FCAMR: variants seen among roughly 807,000 people sequenced by gnomAD.
FCAMR encodes the protein Fc alpha and mu receptor, also known as high affinity immunoglobulin alpha and immunoglobulin mu Fc receptor.
A neutral mutation model predicts 52.2 loss-of-function variants in FCAMR; 51 were observed. That is an observed-to-expected ratio of 0.98 (90% confidence interval 0.78 to 1.23). The LOEUF (loss-of-function observed/expected upper bound fraction) is 1.23. Among genes scored for constraint, FCAMR ranks in the 50% most tolerant of loss-of-function variants. FCAMR has a pLI of 0.00. For synonymous variants in FCAMR, 282 were observed against 262.0 expected (o/e 1.08, Z -0.74); for missense variants, 719 against 712.6 (o/e 1.01, Z -0.10).
At position 206,967,619 on chromosome 1, in the gene FCAMR, G is replaced by A. The variant is rs1453941145; in HGVS notation, c.72C>T (p.Tyr24=). The change falls in exon 2 of 8, where the codon TAC becomes TAT. Residue 24 remains tyrosine, a synonymous_variant. Transcript: ENST00000324852. ...GTAAAGTGCCAGCAATGAGCCTGGA[G>A]TAGTCCACTTCTCTTCCTCTCCTCA... ...EVVRRGREVD[Y]SRLIAGTLPQ... The A allele has an allele frequency of 6.2e-7, 1 of 1,614,112 alleles. No individual in the cohort carries two copies. The highest frequency in any genetic ancestry group is 1.3e-5 in the African/African-American group (1 of 74,956).
chr1:206,961,035 T>A lies in FCAMR; in HGVS notation c.841A>T (p.Arg281Ter). 1 of 1,551,896 alleles carries A rather than the reference T, an allele frequency of 6.4e-7. No individual in the cohort carries two copies. The highest frequency in any genetic ancestry group is 8.7e-7 in the Non-Finnish European group (1 of 1,147,026). ...GGCCTGGTTGCTCCTGGGGTTCGTCTTCCCTCAGCTGAAGCTGTAGTCTTG... is the reference window on the plus strand; with the variant it reads ...GGCCTGGTTGCTCCTGGGGTTCGTCATCCCTCAGCTGAAGCTGTAGTCTTG... Reference protein sequence around the residue: ...TSKTTASAEGRRTPGATRPAA... With the variant: ...TSKTTASAEG The change falls in exon 6 of 8, where the codon AGA becomes TGA. Residue 281 changes from arginine (R) to a stop codon, truncating the protein, a stop_gained. Transcript: ENST00000324852. LOFTEE classifies it high-confidence loss of function.
In FCAMR at chr1:206,960,409, T is replaced by C. The variant is rs982987544; in HGVS notation, c.1454+13A>G. 4.1e-6 allele frequency: 6 copies of C among 1,474,378 alleles called. No individual in the cohort carries two copies. The highest frequency in any genetic ancestry group is 2.6e-5 in the Admixed American group (1 of 38,928). The allele number at this position is 1,474,378 out of a possible 1,614,324, so 91.3% of individuals were successfully genotyped here. Reference sequence around the variant, plus strand: ...GTGGGGCCCCCCAACCGGGAGAAGGTGCCTGGGGTTACCGCTTCACGGAGG... The same window carrying C: ...GTGGGGCCCCCCAACCGGGAGAAGGCGCCTGGGGTTACCGCTTCACGGAGG... On this transcript the variant is annotated intron_variant, in intron 6 of 7. Transcript: ENST00000324852.
At chr1:206,967,156 G>C (rs749938693) in intron 2 of FCAMR, 44 bp from the exon 3 acceptor site, 6 of 1,595,184 alleles carry the variant, frequency 3.8e-6, no homozygotes, top group Admixed American at 1.7e-5. Flanking sequence ...AGAGAAGCTG[G>C]GTGAGGGTGG....
chr1:206,960,865 C>T lies in FCAMR; in HGVS notation c.1011G>A (p.Arg337=), dbSNP rs1259130739. 1.3e-6 allele frequency: 2 copies of T among 1,552,254 alleles called. No homozygotes were observed. The highest frequency in any genetic ancestry group is 1.2e-5 in the South Asian group (1 of 84,062). Reference sequence around the variant, plus strand: ...CCCTCCTGTCCTTGCTGGCTCTAGCCCTGTTTGTCACCGAGCTTCTGGTGC... The same window carrying T: ...CCCTCCTGTCCTTGCTGGCTCTAGCTCTGTTTGTCACCGAGCTTCTGGTGC... ...WEGTRSSVTN[R]ARASKDRREM... is the part of the protein sequence containing the mutation. The change falls in exon 6 of 8, where the codon AGG becomes AGA. Residue 337 remains arginine, a synonymous_variant. Coordinates refer to ENST00000324852, the MANE Select transcript of FCAMR (RefSeq NM_001170631.2).
chr1:206,965,740 G>A lies in FCAMR; in HGVS notation c.288C>T (p.Cys96=), dbSNP rs768364177. ...MGTLRPSSPL[C]WREESSFAAP... ...CTGCAAAGGAGCTCTCCTCCCGCCAGCAGAGGGGCGAGGAAGGCCTGAGTG... is the reference window on the plus strand; with the variant it reads ...CTGCAAAGGAGCTCTCCTCCCGCCAACAGAGGGGCGAGGAAGGCCTGAGTG... Residue 96 remains cysteine, a synonymous_variant, in exon 4 of 8, where the codon TGC becomes TGT. Transcript: ENST00000324852. 2.0e-5 allele frequency: 32 copies of A among 1,578,476 alleles called. No homozygotes were observed. Among genetic ancestry groups the A allele is most frequent in the Non-Finnish European group, 2.0e-5 (23 of 1,166,846 alleles).
intron 2 of FCAMR, 144 bp downstream of exon 2, chr1:206,967,438 TG>T: frequency 1.2e-6 from 1 of 854,148 alleles, no homozygotes; most frequent in Non-Finnish European, 1.9e-6. Context: ...TCTGAGTTTG[TG>T]GGGAGCACCG....
intron 7 of FCAMR, 126 bp from the exon 8 acceptor site, chr1:206,958,802 T>A: frequency 7.6e-7 from 1 of 1,313,226 alleles, no homozygotes; most frequent in Non-Finnish European, 1.1e-6. Flanking sequence ...AATGGAGCCC[T>A]AGTTGGCTAG....
At chr1:206,966,221 G>A (rs973974090) in intron 3 of FCAMR, among the ~76,000 whole-genome samples, 5 of 152,164 alleles carry the variant, frequency 3.3e-5, no homozygotes, top group African/African-American at 4.8e-5. Flanking sequence ...AATTTAGAAC[G>A]TTTGAGACTT....
Position 206,959,801 on chromosome 1 carries a change from C to T in FCAMR, c.1455-4G>A. The T allele has an allele frequency of 6.2e-7, 1 of 1,610,330 alleles. No individual in the cohort carries two copies. The highest frequency in any genetic ancestry group is 8.5e-7 in the Non-Finnish European group (1 of 1,176,576). On this transcript the variant is annotated splice_polypyrimidine_tract_variant and splice_region_variant and intron_variant, in intron 6 of 7. Coordinates refer to ENST00000324852, the MANE Select transcript of FCAMR (RefSeq NM_001170631.2). ...GCTTTCATCTTCTGGAAAAGTACTA[C>T]AGTGGGGGTGGAAAGAGCACAGGGG...
intron 7 of FCAMR, among the ~76,000 whole-genome samples, chr1:206,959,284 C>G (rs1680395065): frequency 6.6e-6 from 1 of 152,142 alleles, no homozygotes; most frequent in South Asian, 2.1e-4. Context: ...CAACACCATT[C>G]TGGCCAACAC....
chr1:206,970,035 C>T (rs1680873135), intron 1 of FCAMR, 52 bp downstream of exon 1: 2 of 1,607,958 alleles, frequency 1.2e-6, no homozygotes, highest in African/African-American at 2.7e-5. Context: ...TGCAGTTCAC[C>T]CCCCACATTC....
chr1:206,967,583 G>C lies in FCAMR; in HGVS notation c.108C>G (p.His36Gln). The change falls in exon 2 of 8, where the codon CAC (histidine) becomes CAG (glutamine). Residue 36 changes from histidine to glutamine, a missense_variant and splice_region_variant. His to Gln is a conservative substitution (Grantham distance 24). Transcript: ENST00000324852. ...AAGGGGTTGTTGTTACACAACTTACGTGAGATTGTGGTAAAGTGCCAGCAA... is the reference window on the plus strand; with the variant it reads ...AAGGGGTTGTTGTTACACAACTTACCTGAGATTGTGGTAAAGTGCCAGCAA... The part of the protein sequence containing the change: ...RLIAGTLPQS[H>Q]VTSRRAGWKM... The C allele has an allele frequency of 1.2e-6, 2 of 1,614,058 alleles. No homozygotes were observed. The highest frequency in any genetic ancestry group is 1.7e-6 in the Non-Finnish European group (2 of 1,179,896).
chr1:206,959,790 GA>G lies in FCAMR; in HGVS notation c.1461del (p.Pro488GlnfsTer46), dbSNP rs1481390967. 1 of 1,613,470 alleles carries G rather than the reference GA, an allele frequency of 6.2e-7. No homozygotes were observed. Among genetic ancestry groups the G allele is most frequent in the Non-Finnish European group, 8.5e-7 (1 of 1,179,522 alleles). ...GTCCGAGAGCTGCTTTCATCTTCTG[GA>G]AAAGTACTACAGTGGGGGTGGAAAG... The part of the protein sequence containing the change: ...PGKESSVKRT[F>X]PEDESSSRTL... On this transcript the variant is annotated frameshift_variant, in exon 7 of 8. Coordinates refer to ENST00000324852, the MANE Select transcript of FCAMR (RefSeq NM_001170631.2). LOFTEE classifies it high-confidence loss of function.
chr1:206,970,520 T>A (rs1558029894), upstream of FCAMR: 1 of 158,012 alleles, frequency 6.3e-6, no homozygotes, highest in Non-Finnish European at 1.4e-5. Context: ...CATTCAGGCA[T>A]CTCCCGGACA....
At chr1:206,958,831 A>G (rs1680367665) in intron 7 of FCAMR, 155 bp from the exon 8 acceptor site, 1 of 933,066 alleles carries the variant, frequency 1.1e-6, no homozygotes, top group East Asian at 2.6e-5. Context: ...AGCCTAGCCC[A>G]TGATAGGGCT....
intron 6 of FCAMR, chr1:206,960,104 T>C: frequency 2.0e-6 from 1 of 495,294 alleles, no homozygotes; most frequent in South Asian, 3.4e-5. Flanking sequence ...TGCCACAACC[T>C]TTCCTTGTGG....
intron 4 of FCAMR, among the ~76,000 whole-genome samples, chr1:206,963,026 C>A (rs1050854452): frequency 6.7e-6 from 1 of 150,182 alleles, no homozygotes; most frequent in Admixed American, 6.5e-5. Context: ...AAACAAGGAC[C>A]CTTTCAGGAC....
rs911735927 is a variant in FCAMR at position 206,959,662 on chromosome 1, G to A, written c.1573+17C>T. On this transcript the variant is annotated intron_variant, in intron 7 of 7. Coordinates refer to ENST00000324852, the MANE Select transcript of FCAMR (RefSeq NM_001170631.2). ...AACCAGAACTCTTCTATCTAGCCTT[G>A]GGGCTACTCAACTCACAGGTCCTCC... 2 of 1,597,202 alleles carry A rather than the reference G, an allele frequency of 1.3e-6. No individual in the cohort carries two copies. Among genetic ancestry groups the A allele is most frequent in the African/African-American group, 1.3e-5 (1 of 74,676 alleles).
intron 1 of FCAMR, chr1:206,969,156 C>G: frequency 3.0e-6 from 1 of 335,928 alleles, no homozygotes; most frequent in South Asian, 2.3e-5. Context: ...CCTAGACTCC[C>G]CCGGGTGAAT....
Sources: gnomAD v4.1 joint callset for allele counts (sites outside exome capture counted in the v4.1 genomes callset) on GRCh38, gnomAD v4.1.1 for gene constraint, MANE v1.5 for transcripts, NCBI Gene and HGNC (gene_info 2026-07-23, HGNC 2026-07-21) for gene names.